The following DLGAP2 variants were observed in gnomAD, a reference collection of about 807,000 sequenced individuals.
DLGAP2 encodes the protein disks large-associated protein 2.
DLGAP2 carries 26 observed loss-of-function variants against 100.3 expected under a neutral mutation model. That is an observed-to-expected ratio of 0.26 (90% CI 0.19 to 0.36). The LOEUF (loss-of-function observed/expected upper bound fraction) is 0.36. DLGAP2 is among the 10% of genes least tolerant of loss of function. The pLI, the probability that DLGAP2 is intolerant of heterozygous loss-of-function variation, is 1.00. For missense variants in DLGAP2, 1,858 were observed against 1,453.2 expected, an observed-to-expected ratio of 1.28 and a Z score of -4.53; for synonymous variants, 886 against 630.1, an observed-to-expected ratio of 1.41 and a Z score of -6.08.
At chr8:1,291,473 G>C (rs990832133) in intron 3 of DLGAP2, among the ~76,000 whole-genome samples, 9 of 152,130 alleles carry the variant, frequency 5.9e-5, no homozygotes, top group African/African-American at 2.2e-4. Flanking sequence ...AAAGGCAGAC[G>C]TATGGCTCCC....
chr8:862,583 T>C (rs1021884004), intron 1 of DLGAP2, among the ~76,000 whole-genome samples: 8 of 152,162 alleles, frequency 5.3e-5, no homozygotes, highest in South Asian at 2.1e-4. Flanking sequence ...GTGAGCTGCC[T>C]CGCCTGGCCA....
At chr8:1,669,918 A>G (rs989713806) in intron 10 of DLGAP2, 134 bp downstream of exon 10, 5 of 697,296 alleles carry the variant, frequency 7.2e-6, no homozygotes, top group Non-Finnish European at 1.3e-5. Context: ...GGGTGCTCCC[A>G]TCTGTCCCCC....
intron 2 of DLGAP2, among the ~76,000 whole-genome samples, chr8:940,891 G>A (rs13250923): frequency 4.6e-5 from 7 of 152,072 alleles, no homozygotes; most frequent in Admixed American, 2.6e-4. Flanking sequence ...TCGGGAGGCT[G>A]AGCCCAGGAG....
chr8:1,447,307 T>C (rs556290116), intron 3 of DLGAP2, among the ~76,000 whole-genome samples: 1 of 152,356 alleles, frequency 6.6e-6, no homozygotes, highest in East Asian at 1.9e-4. Flanking sequence ...GGTTGTTGAA[T>C]TTTGTCAAAG....
intron 2 of DLGAP2, among the ~76,000 whole-genome samples, chr8:1,160,097 G>A (rs995861082): frequency 2.0e-5 from 3 of 152,220 alleles, no homozygotes; most frequent in South Asian, 2.1e-4. Context: ...CCCACAGCCC[G>A]GAAGCTGACG....
chr8:1,073,076 G>C (rs1803485079), intron 2 of DLGAP2, among the ~76,000 whole-genome samples: 1 of 152,166 alleles, frequency 6.6e-6, no homozygotes, highest in Non-Finnish European at 1.5e-5. Context: ...TTACCCAAGA[G>C]AATAAAAGCC....
chr8:1,051,594 A>T (rs538906189), intron 2 of DLGAP2, among the ~76,000 whole-genome samples: 1 of 152,214 alleles, frequency 6.6e-6, no homozygotes, highest in African/African-American at 2.4e-5. Flanking sequence ...ACTTGCTACT[A>T]TGTAATTTTA....
chr8:863,719 A>G (rs1797437239), intron 1 of DLGAP2, among the ~76,000 whole-genome samples: 1 of 152,226 alleles, frequency 6.6e-6, no homozygotes, highest in Admixed American at 6.5e-5. Flanking sequence ...AAAAAGACAA[A>G]GACAGCAGAT....
At chr8:1,267,061 T>A (rs1220518325) in intron 3 of DLGAP2, among the ~76,000 whole-genome samples, 2 of 151,708 alleles carry the variant, frequency 1.3e-5, no homozygotes, top group East Asian at 3.9e-4. Context: ...ATCCTGTCTC[T>A]ACTAAAAATA....
intron 3 of DLGAP2, among the ~76,000 whole-genome samples, chr8:1,479,658 T>C (rs1799034619): frequency 6.6e-6 from 1 of 152,174 alleles, no homozygotes; most frequent in Non-Finnish European, 1.5e-5. Context: ...CATTTCTGTG[T>C]CCTTTATCAT....
intron 2 of DLGAP2, among the ~76,000 whole-genome samples, chr8:1,232,659 C>T (rs909872904): frequency 3.3e-5 from 5 of 152,162 alleles, no homozygotes; most frequent in Non-Finnish European, 5.9e-5. Flanking sequence ...TTCATTTCTC[C>T]TTGCAAAATC....
At position 1,683,954 on chromosome 8, in the gene DLGAP2, G is replaced by GTATATATATATA. The variant is rs59220880; in HGVS notation, c.2704+5348_2704+5359dup. On this transcript the variant is annotated intron_variant, in intron 12 of 14. Transcript: ENST00000637795. ...TATATATGTGTATATATATATGTGTGTATATATATATATATATATATATAT... is the reference window on the plus strand; with the variant it reads ...TATATATGTGTATATATATATGTGTGTATATATATATATATATATATATATATATATATATAT... Among the ~76,000 whole-genome samples, 322 of 74,698 alleles carry GTATATATATATA rather than the reference G, an allele frequency of 4.3e-3. 2 individuals carry two copies. The highest frequency in any genetic ancestry group is 0.015 in the East Asian group (33 of 2,224). The allele number at this position is 74,698 out of a possible 152,430, so 49.0% of individuals were successfully genotyped here. A position where few individuals can be genotyped will look rare whatever the true frequency, so the allele number is the denominator to read the frequency against.
intron 3 of DLGAP2, among the ~76,000 whole-genome samples, chr8:1,413,800 G>A (rs1166471806): frequency 6.6e-6 from 1 of 152,258 alleles, no homozygotes; most frequent in Admixed American, 6.5e-5. Flanking sequence ...AGCTCCATCA[G>A]TGCACACACG....
At chr8:1,477,799 G>GA (rs11394185) in intron 3 of DLGAP2, among the ~76,000 whole-genome samples, 91,038 of 148,296 alleles carry the variant, frequency 0.61, 28,012 homozygotes, top group Admixed American at 0.69. Context: ...AGGTGAGAAA[G>GA]AAAAAAAAAA....
chr8:986,243 G>C (rs1164179506), intron 2 of DLGAP2, among the ~76,000 whole-genome samples: 5 of 152,154 alleles, frequency 3.3e-5, no homozygotes, highest in Admixed American at 3.3e-4. Flanking sequence ...GGTAGGGAGA[G>C]CTGTGTCAGC....
chr8:1,331,918 C>T (rs987716552), intron 3 of DLGAP2, among the ~76,000 whole-genome samples: 6 of 152,174 alleles, frequency 3.9e-5, no homozygotes, highest in African/African-American at 1.2e-4. Context: ...CATGTGTCAG[C>T]AAACAATCCC....
intron 1 of DLGAP2, among the ~76,000 whole-genome samples, chr8:898,717 C>T (rs1463576967): frequency 6.6e-6 from 1 of 152,184 alleles, no homozygotes; most frequent in African/African-American, 2.4e-5. Flanking sequence ...GGCCCTCCAT[C>T]TGCTCTTTAT....
intron 1 of DLGAP2, among the ~76,000 whole-genome samples, chr8:838,095 G>A (rs1321447472): frequency 6.6e-6 from 1 of 151,710 alleles, no homozygotes. Context: ...ATCCTGTAGT[G>A]TGGACGATGG....
At chr8:1,120,042 G>A (rs1397534113) in intron 2 of DLGAP2, among the ~76,000 whole-genome samples, 3 of 152,196 alleles carry the variant, frequency 2.0e-5, no homozygotes, top group Non-Finnish European at 2.9e-5. Context: ...GTGTCAGGCA[G>A]CAACTTATAA....
Sources: gnomAD v4.1 joint callset for allele counts (sites outside exome capture counted in the v4.1 genomes callset) on GRCh38, gnomAD v4.1.1 for gene constraint, MANE v1.5 for transcripts, NCBI Gene and HGNC (gene_info 2026-07-23, HGNC 2026-07-21) for gene names.